The following ANXA4 variants were observed in gnomAD, a reference collection of about 807,000 sequenced individuals.
ANXA4 encodes the protein annexin A4, also known as 35-beta calcimedin.
In ANXA4, 39 loss-of-function variants were observed where a neutral mutation model predicts 49.8. That is an observed-to-expected ratio of 0.78 (90% CI 0.61 to 1.02). The LOEUF is 1.02. Ranked by LOEUF, ANXA4 falls within the 50% of genes least tolerant of loss-of-function variation. The pLI is 0.00. For synonymous variants in ANXA4, 134 were observed against 152.5 expected (o/e 0.88, Z 0.89); for missense variants, 360 against 410.1 (o/e 0.88, Z 1.05).
At chr2:69,778,067 A>G (rs1672034104) in intron 1 of ANXA4, among the ~76,000 whole-genome samples, 2 of 152,228 alleles carry the variant, frequency 1.3e-5, no homozygotes, top group Admixed American at 1.3e-4. Context: ...ATGTAATAAA[A>G]TATCCCTTAT....
intron 2 of ANXA4, among the ~76,000 whole-genome samples, chr2:69,694,446 A>G (rs1265789211): frequency 6.6e-6 from 1 of 150,538 alleles, no homozygotes; most frequent in Non-Finnish European, 1.5e-5. Flanking sequence ...TACCTGTGCC[A>G]TGTTGGTGTG....
intron 2 of ANXA4, among the ~76,000 whole-genome samples, chr2:69,658,459 G>A (rs1342048229): frequency 6.7e-6 from 1 of 149,844 alleles, no homozygotes; most frequent in Non-Finnish European, 1.5e-5. Context: ...TTATTCCCCA[G>A]CTGTTGAGGC....
At chr2:69,783,507 G>A (rs768199740) in intron 2 of ANXA4, among the ~76,000 whole-genome samples, 7 of 152,258 alleles carry the variant, frequency 4.6e-5, no homozygotes, top group East Asian at 3.9e-4. Flanking sequence ...GAGCCACCGC[G>A]CCCAGCTTTC....
chr2:69,656,343 A>ATG lies in ANXA4; in HGVS notation n.766+3065_766+3066dup, dbSNP rs1267889827. Among the ~76,000 whole-genome samples, 4 of 102,842 alleles carry ATG rather than the reference A, an allele frequency of 3.9e-5. 2 individuals carry two copies. The East Asian group carries it at 1.9e-3, about 49-fold the overall frequency. The allele number at this position is 102,842 out of a possible 152,430, so 67.5% of individuals were successfully genotyped here. ...TATATGTATATATATGTGTATATAT[A>ATG]TGTGTATATATGTGTATATATATGT... is the stretch of plus-strand genomic sequence containing the variant. On this transcript the variant is annotated intron_variant and non_coding_transcript_variant, in intron 2 of 3. Coordinates refer to the ANXA4 transcript ENST00000418066.
At chr2:69,726,148 C>T (rs1272646791) in intron 3 of ANXA4, among the ~76,000 whole-genome samples, 1 of 152,222 alleles carries the variant, frequency 6.6e-6, no homozygotes, top group Admixed American at 6.5e-5. Flanking sequence ...ATTATGGGGG[C>T]GGTTTCCCCC....
chr2:69,818,964 G>A (rs537310538), intron 10 of ANXA4, among the ~76,000 whole-genome samples: 1 of 152,336 alleles, frequency 6.6e-6, no homozygotes, highest in Non-Finnish European at 1.5e-5. Flanking sequence ...CAGCTTGCAA[G>A]TCTGTGAATG....
At chr2:69,788,837 C>CAAA (rs34455712) in intron 3 of ANXA4, among the ~76,000 whole-genome samples, 2 of 82,020 alleles carry the variant, frequency 2.4e-5, no homozygotes, top group African/African-American at 4.3e-5. Flanking sequence ...GACTCCATCT[C>CAAA]AAAAAAAAAA....
At chr2:69,720,293 C>T (rs1352123054) in intron 2 of ANXA4, among the ~76,000 whole-genome samples, 1 of 152,154 alleles carries the variant, frequency 6.6e-6, no homozygotes, top group Admixed American at 6.5e-5. Context: ...GCTTCAAATC[C>T]CCCCGGTCCC....
chr2:69,773,553 T>TTTTGTTTG (rs993271375), intron 1 of ANXA4, among the ~76,000 whole-genome samples: 4 of 151,970 alleles, frequency 2.6e-5, no homozygotes, highest in Admixed American at 2.6e-4. Flanking sequence ...GCCCCTGATT[T>TTTTGTTTG]TTTGTTTGTT....
intron 2 of ANXA4, among the ~76,000 whole-genome samples, chr2:69,714,937 T>G (rs1678827297): frequency 6.6e-6 from 1 of 152,172 alleles, no homozygotes; most frequent in Non-Finnish European, 1.5e-5. Context: ...GGTGACACAG[T>G]GAAGTCAAGT....
chr2:69,794,967 G>A (rs1331191793), intron 3 of ANXA4, among the ~76,000 whole-genome samples: 1 of 152,120 alleles, frequency 6.6e-6, no homozygotes, highest in Non-Finnish European at 1.5e-5. Context: ...AAGGAAATGG[G>A]CCTAATCCTT....
At chr2:69,726,217 T>TC (rs745840764) in intron 3 of ANXA4, among the ~76,000 whole-genome samples, 18 of 152,118 alleles carry the variant, frequency 1.2e-4, no homozygotes, top group Non-Finnish European at 2.4e-4. Context: ...AAGTGGCACT[T>TC]CCCCCCTCAC....
At chr2:69,734,894 A>G (rs1384768855) in intron 3 of ANXA4, among the ~76,000 whole-genome samples, 1 of 152,198 alleles carries the variant, frequency 6.6e-6, no homozygotes, top group Non-Finnish European at 1.5e-5. Flanking sequence ...GCAACATCTC[A>G]AACAATCCCA....
intron 1 of ANXA4, among the ~76,000 whole-genome samples, chr2:69,746,392 A>G (rs181844811): frequency 1.8e-4 from 28 of 152,302 alleles, no homozygotes; most frequent in African/African-American, 6.5e-4. Context: ...CTCACCACAT[A>G]GTCTTATAGT....
chr2:69,673,796 C>G (rs573244221), intron 2 of ANXA4, among the ~76,000 whole-genome samples: 1 of 152,276 alleles, frequency 6.6e-6, no homozygotes, highest in African/African-American at 2.4e-5. Flanking sequence ...CCAACTCCCT[C>G]TCTCACTCAG....
chr2:69,674,748 A>C (rs1430631844), intron 2 of ANXA4, among the ~76,000 whole-genome samples: 1 of 152,106 alleles, frequency 6.6e-6, no homozygotes, highest in Admixed American at 6.5e-5. Context: ...GAAATATTGA[A>C]ATATAAGACA....
chr2:69,777,900 A>G (rs1414689575), intron 1 of ANXA4, among the ~76,000 whole-genome samples: 1 of 152,216 alleles, frequency 6.6e-6, no homozygotes, highest in Non-Finnish European at 1.5e-5. Context: ...GTGAAGGGCC[A>G]GATAATAAAT....
intron 1 of ANXA4, among the ~76,000 whole-genome samples, chr2:69,780,039 TAAG>T (rs1389342076): frequency 1.3e-5 from 2 of 152,224 alleles, no homozygotes; most frequent in Admixed American, 1.3e-4. Context: ...TCAGGTGGGT[TAAG>T]AAGGACTTAG....
chr2:69,709,606 C>A (rs1458678182), intron 2 of ANXA4, among the ~76,000 whole-genome samples: 1 of 152,136 alleles, frequency 6.6e-6, no homozygotes, highest in African/African-American at 2.4e-5. Flanking sequence ...AGTACATACA[C>A]GGGAAGCCAC....
Sources: allele counts gnomAD v4.1 joint callset (sites outside exome capture counted in the v4.1 genomes callset), GRCh38; gene constraint gnomAD v4.1.1; transcripts MANE v1.5; gene names NCBI Gene and HGNC (gene_info 2026-07-23, HGNC 2026-07-21).